MPC2: variants seen among roughly 807,000 people sequenced by gnomAD.
The protein encoded by MPC2 is mitochondrial pyruvate carrier 2.
In MPC2, 19 loss-of-function variants were observed where a neutral mutation model predicts 19.2. That is an observed-to-expected ratio of 0.99 (90% CI 0.69 to 1.45). The LOEUF is 1.45. MPC2 is among the 40% of genes most tolerant of loss of function. The probability of loss-of-function intolerance (pLI) is 0.00; values close to 1 mark genes in which losing one functional copy is unlikely to be tolerated. For missense variants in MPC2, 122 were observed against 153.0 expected, an observed-to-expected ratio of 0.80 and a Z score of 1.07; for synonymous variants, 61 against 54.3, an observed-to-expected ratio of 1.12 and a Z score of -0.54.
intron 5 of MPC2, among the ~76,000 whole-genome samples, chr1:167,918,962 T>C (rs1051505537): frequency 6.6e-6 from 1 of 152,152 alleles, no homozygotes; most frequent in East Asian, 1.9e-4. Context: ...AATAAAAATA[T>C]TCTCATTCTG....
intron 2 of MPC2, 140 bp downstream of exon 2, chr1:167,935,593 A>T (rs1351873369): frequency 5.9e-6 from 4 of 673,106 alleles, no homozygotes; most frequent in African/African-American, 1.8e-5. Flanking sequence ...ACAGGCTAGG[A>T]GAGTAGACGG....
At chr1:167,936,733 G>T in intron 1 of MPC2, 1 of 600,130 alleles carries the variant, frequency 1.7e-6, no homozygotes, top group Non-Finnish European at 3.0e-6. Flanking sequence ...CTCCGGCCCG[G>T]GTGCGGCCGG....
chr1:167,922,874 A>T (rs973994544), intron 3 of MPC2, among the ~76,000 whole-genome samples: 4 of 152,210 alleles, frequency 2.6e-5, no homozygotes, highest in Non-Finnish European at 5.9e-5. Context: ...TGATTAAATT[A>T]AAAAACAGGC....
intron 2 of MPC2, among the ~76,000 whole-genome samples, chr1:167,933,237 G>T (rs1282448968): frequency 6.8e-6 from 1 of 147,490 alleles, no homozygotes; most frequent in African/African-American, 2.5e-5. Context: ...GCACGATCTT[G>T]GCTAACTGCA....
chr1:167,919,729 CT>C (rs1363350778), intron 5 of MPC2, among the ~76,000 whole-genome samples: 1 of 152,106 alleles, frequency 6.6e-6, no homozygotes, highest in African/African-American at 2.4e-5. Context: ...AGGTAACATA[CT>C]GCTTAACTGA....
rs1026587237 is a variant in MPC2, at chr1:167,925,366, G to T, written c.110-829C>A. Among the ~76,000 whole-genome samples the T allele has an allele frequency of 2.7e-5, 4 of 146,182 alleles. No individual in the cohort carries two copies. The East Asian group carries it at 6.0e-4, about 22-fold the overall frequency. ...AAAAGGAAAGTTAGCCAGTAGAGTTGGAAGCAGTTTATACTAACATTTATT... is the reference window on the plus strand; with the variant it reads ...AAAAGGAAAGTTAGCCAGTAGAGTTTGAAGCAGTTTATACTAACATTTATT... On this transcript the variant is annotated intron_variant, in intron 2 of 5. Transcript: ENST00000271373.
At chr1:167,921,206 T>C (rs1196539981) in intron 3 of MPC2, among the ~76,000 whole-genome samples, 1 of 152,072 alleles carries the variant, frequency 6.6e-6, no homozygotes, top group Non-Finnish European at 1.5e-5. Flanking sequence ...GAAAAACTTA[T>C]AATTTTAGTT....
intron 5 of MPC2, among the ~76,000 whole-genome samples, chr1:167,919,596 T>C (rs1268942162): frequency 1.3e-5 from 2 of 152,218 alleles, no homozygotes; most frequent in East Asian, 3.8e-4. Context: ...TTATATACAA[T>C]TGAAAGTGAT....
intron 3 of MPC2, among the ~76,000 whole-genome samples, chr1:167,923,661 A>G (rs568152262): frequency 6.6e-6 from 1 of 152,194 alleles, no homozygotes; most frequent in Non-Finnish European, 1.5e-5. Flanking sequence ...CACTTTGAAA[A>G]TGGTTCAGAT....
intron 4 of MPC2, 151 bp from the exon 5 acceptor site, chr1:167,920,241 A>T: frequency 1.7e-6 from 1 of 603,706 alleles, no homozygotes; most frequent in Non-Finnish European, 2.9e-6. Context: ...TCTGTAACTT[A>T]GTGTCACAGA....
intron 3 of MPC2, among the ~76,000 whole-genome samples, chr1:167,923,368 A>C (rs1393135171): frequency 6.6e-6 from 1 of 151,744 alleles, no homozygotes; most frequent in Admixed American, 6.5e-5. Flanking sequence ...TTCAGCATTA[A>C]AAAGAAAGGA....
intron 2 of MPC2, among the ~76,000 whole-genome samples, chr1:167,931,256 T>C (rs907057413): frequency 6.6e-6 from 1 of 152,164 alleles, no homozygotes; most frequent in Non-Finnish European, 1.5e-5. Flanking sequence ...TGAATTCTTC[T>C]GAGAATACAA....
intron 2 of MPC2, among the ~76,000 whole-genome samples, chr1:167,925,522 TTTTTTTTTTTGG>T (rs1436509890): frequency 4.8e-4 from 68 of 142,298 alleles, no homozygotes; most frequent in Non-Finnish European, 8.7e-4. Flanking sequence ...CAAACAACGT[TTTTTTTTTTTGG>T]TTTTTTTTTT....
intron 1 of MPC2, 77 bp downstream of exon 1, chr1:167,936,862 T>C (rs1211156001): frequency 2.5e-6 from 2 of 812,584 alleles, no homozygotes; most frequent in Non-Finnish European, 4.0e-6. Flanking sequence ...CTCCCCCTCC[T>C]CCCCTCCCCC....
intron 2 of MPC2, among the ~76,000 whole-genome samples, chr1:167,928,070 C>T (rs908862918): frequency 6.6e-6 from 1 of 152,102 alleles, no homozygotes; most frequent in African/African-American, 2.4e-5. Context: ...AAAGGTCGGC[C>T]GGGCGCGGTG....
intron 2 of MPC2, among the ~76,000 whole-genome samples, chr1:167,927,974 TGA>T (rs907203770): frequency 1.1e-4 from 17 of 152,328 alleles, no homozygotes; most frequent in African/African-American, 4.1e-4. Context: ...CTAATTTTTC[TGA>T]GATACTAAAA....
chr1:167,920,390 C>T (rs1670570425), intron 4 of MPC2, among the ~76,000 whole-genome samples, 157 bp downstream of exon 4: 1 of 152,176 alleles, frequency 6.6e-6, no homozygotes. Flanking sequence ...TCTGTGACTC[C>T]TCCATCCATA....
intron 2 of MPC2, among the ~76,000 whole-genome samples, chr1:167,932,227 A>G (rs1347158101): frequency 6.6e-6 from 1 of 152,146 alleles, no homozygotes; most frequent in Non-Finnish European, 1.5e-5. Context: ...CCTATCAGTA[A>G]AAAACAATTT....
At chr1:167,923,760 T>A (rs773828650) in intron 3 of MPC2, among the ~76,000 whole-genome samples, 1 of 151,626 alleles carries the variant, frequency 6.6e-6, no homozygotes. Context: ...TAGAGAATCA[T>A]CCGAAGAGGT....
Sources: gnomAD v4.1 joint callset for allele counts (sites outside exome capture counted in the v4.1 genomes callset) on GRCh38, gnomAD v4.1.1 for gene constraint, MANE v1.5 for transcripts, NCBI Gene and HGNC (gene_info 2026-07-23, HGNC 2026-07-21) for gene names.